DUOX2: variants seen among roughly 807,000 people sequenced by gnomAD.
DUOX2 encodes NADH/NADPH thyroid oxidase p138-tox.
A neutral mutation model predicts 183.3 loss-of-function variants in DUOX2; 185 were observed. That is an observed-to-expected ratio of 1.01 (90% CI 0.90 to 1.14). The LOEUF (loss-of-function observed/expected upper bound fraction) is 1.14, where lower values mean the gene tolerates loss of function less well. Ranked by LOEUF, DUOX2 falls within the 50% of genes most tolerant of loss-of-function variation. The probability of loss-of-function intolerance (pLI) is 0.00; values close to 1 mark genes in which losing one functional copy is unlikely to be tolerated. For synonymous variants in DUOX2, 788 were observed against 812.4 expected, an observed-to-expected ratio of 0.97 and a Z score of 0.51; for missense variants, 1,999 against 2,022.9, an observed-to-expected ratio of 0.99 and a Z score of 0.23.
chr15:45,095,133 G>A (rs1415458597), intron 31 of DUOX2, 42 bp from the exon 32 acceptor site: 1 of 1,598,122 alleles, frequency 6.3e-7, no homozygotes, highest in Admixed American at 1.7e-5. Flanking sequence ...GCTCAGTTCA[G>A]CCTCCCTAGA....
rs761557440 is a variant in DUOX2 at position 45,097,624 on chromosome 15, A to T, written c.3683T>A (p.Leu1228His). ...FWLTHHLYIL[L>H]YALLIIHGSY... ...AGGGAAGTCCCTCACCAGGGCATAG[A>T]GCAGGATGTAGAGGTGGTGGGTCAG... The change falls in exon 28 of 34, where the codon CTC (leucine) becomes CAC (histidine). Residue 1228 changes from leucine (L) to histidine (H), a missense_variant. Leu to His is a moderately conservative substitution (Grantham distance 99). Coordinates refer to ENST00000389039, the MANE Select transcript of DUOX2 (RefSeq NM_001363711.2). 2 of 1,614,206 alleles carry T rather than the reference A, an allele frequency of 1.2e-6. No individual in the cohort carries two copies. Among genetic ancestry groups the T allele is most frequent in the Non-Finnish European group, 1.7e-6 (2 of 1,180,040 alleles).
At chr15:45,106,460 C>A in intron 16 of DUOX2, 68 bp downstream of exon 16, 2 of 1,597,424 alleles carry the variant, frequency 1.3e-6, no homozygotes, top group Non-Finnish European at 1.7e-6. Context: ...TAACTTGGTT[C>A]TTTCTCCCAG....
intron 4 of DUOX2, 25 bp from the exon 5 acceptor site, chr15:45,111,980 T>G (rs1435904432): frequency 6.2e-7 from 1 of 1,611,504 alleles, no homozygotes; most frequent in South Asian, 1.1e-5. Flanking sequence ...CGCCAATACG[T>G]GACAAACCGT....
chr15:45,096,127 G>A (rs932393852), intron 29 of DUOX2, 67 bp from the exon 30 acceptor site: 3 of 1,365,556 alleles, frequency 2.2e-6, no homozygotes, highest in Non-Finnish European at 3.1e-6. Flanking sequence ...GGACTGATAG[G>A]CACCTGTCCT....
intron 12 of DUOX2, 33 bp downstream of exon 12, chr15:45,108,756 T>C (rs757798678): frequency 3.5e-5 from 57 of 1,611,610 alleles, no homozygotes; most frequent in Non-Finnish European, 4.6e-5. Flanking sequence ...TAGGAAAGCT[T>C]TAGCTGCCAT....
At position 45,099,732 on chromosome 15, in the gene DUOX2, G is replaced by T. The variant is rs755622327; in HGVS notation, c.3345C>A (p.Asn1115Lys). The T allele has an allele frequency of 9.9e-6, 16 of 1,614,208 alleles. No individual in the cohort carries two copies. The highest frequency in any genetic ancestry group is 1.4e-5 in the Non-Finnish European group (16 of 1,180,052). The change falls in exon 25 of 34, where the codon AAC becomes AAA. Residue 1115 changes from asparagine (N) to lysine (K), a missense_variant. Coordinates refer to ENST00000389039, the MANE Select transcript of DUOX2 (RefSeq NM_001363711.2). Reference sequence around the variant, plus strand: ...CTGCGGCATCAAAAGGCACATAGCGGTTGAGGAAAGTCTCTCGCAGGAAGG... The same window carrying T: ...CTGCGGCATCAAAAGGCACATAGCGTTTGAGGAAAGTCTCTCGCAGGAAGG... ...LITFLRETFL[N>K]RYVPFDAAVD...
intron 4 of DUOX2, 106 bp downstream of exon 4, chr15:45,112,448 T>G (rs1027432545): frequency 7.1e-7 from 1 of 1,416,542 alleles, no homozygotes; most frequent in African/African-American, 1.4e-5. Flanking sequence ...AGGAAGTGGT[T>G]GGGAGTCGGA....
intron 22 of DUOX2, 145 bp from the exon 23 acceptor site, chr15:45,100,983 A>G (rs754400644): frequency 5.8e-6 from 4 of 692,410 alleles, no homozygotes; most frequent in African/African-American, 3.6e-5. Context: ...GGATCTCATG[A>G]TTTGTTTTGT....
intron 21 of DUOX2, 36 bp downstream of exon 21, chr15:45,101,757 C>G (rs1036126364): frequency 1.2e-6 from 2 of 1,613,878 alleles, no homozygotes; most frequent in African/African-American, 2.7e-5. Flanking sequence ...GGACACGCCC[C>G]CCCTCCCTGA....
rs758000012 is a variant in DUOX2 at position 45,099,484 on chromosome 15, T to G, written c.3416-2A>C. 8.1e-6 allele frequency: 13 copies of G among 1,613,558 alleles called. No homozygotes were observed. The Admixed American group carries it at 2.0e-4, about 25-fold the overall frequency. Reference sequence around the variant, plus strand: ...CTGCGTGGCCAGCACTGTGCAAAACTGGAAGAGACAGACCCTGTTAGAGAT... The same window carrying G: ...CTGCGTGGCCAGCACTGTGCAAAACGGGAAGAGACAGACCCTGTTAGAGAT... On this transcript the variant is annotated splice_acceptor_variant, in intron 25 of 33. Coordinates refer to ENST00000389039, the MANE Select transcript of DUOX2 (RefSeq NM_001363711.2). LOFTEE classifies it high-confidence loss of function.
At position 45,111,601 on chromosome 15, in the gene DUOX2, C is replaced by T. The variant is rs1449533888; in HGVS notation, c.514-16G>A. On this transcript the variant is annotated splice_polypyrimidine_tract_variant and intron_variant, in intron 5 of 33. Transcript: ENST00000389039. ...CCTGGTTGGCCTGCGGGGCACGCGG[C>T]GGGTGAGCCCGGGTCGAGAGGCGGC... 3.3e-6 allele frequency: 5 copies of T among 1,517,826 alleles called. No homozygotes were observed. The highest frequency in any genetic ancestry group is 2.6e-5 in the East Asian group (1 of 37,986). 94.0% of individuals were successfully genotyped at this position (1,517,826 alleles called of 1,614,324 possible).
At position 45,112,988 on chromosome 15, in the gene DUOX2, A is replaced by G; in HGVS notation, c.159T>C (p.Val53=). 6.2e-7 allele frequency: 1 copy of G among 1,613,392 alleles called. No homozygotes were observed. Among genetic ancestry groups the G allele is most frequent in the Non-Finnish European group, 8.5e-7 (1 of 1,179,854 alleles). ...NNLRHHERGA[V]GCRLQRRVPA... is the part of the protein sequence containing the mutation. Reference sequence around the variant, plus strand: ...CACGCCCGGGCCCCCAGAACGCACCAACAGCACCACGCTCGTGGTGCCTCA... The same window carrying G: ...CACGCCCGGGCCCCCAGAACGCACCGACAGCACCACGCTCGTGGTGCCTCA... Residue 53 remains valine, a splice_region_variant and synonymous_variant, in exon 3 of 34, where the codon GTT becomes GTC. Coordinates refer to ENST00000389039, the MANE Select transcript of DUOX2 (RefSeq NM_001363711.2).
chr15:45,102,464 G>A (rs1404113568), intron 20 of DUOX2, among the ~76,000 whole-genome samples: 2 of 152,198 alleles, frequency 1.3e-5, no homozygotes, highest in African/African-American at 2.4e-5. Context: ...AGGCGGGAGC[G>A]TCTCCATGCC....
intron 5 of DUOX2, 89 bp downstream of exon 5, chr15:45,111,679 C>A: frequency 1.4e-6 from 2 of 1,442,176 alleles, no homozygotes; most frequent in Non-Finnish European, 1.8e-6. Flanking sequence ...GGGGAGTGGG[C>A]GCCTCTCCCC....
At position 45,093,787 on chromosome 15, in the gene DUOX2, T is replaced by A. The variant is rs1200579259; in HGVS notation, c.*363A>T. On this transcript the variant is annotated 3_prime_UTR_variant, in exon 34 of 34. Transcript: ENST00000389039. ...AAGCAGGGACTGTCTCCTCCCCACT[T>A]TGCTTGCCACGCCTGCCATGGCTTG... is the stretch of plus-strand genomic sequence containing the variant. The A allele has an allele frequency of 3.2e-6, 1 of 310,952 alleles. No homozygotes were observed. Among genetic ancestry groups the A allele is most frequent in the African/African-American group, 2.1e-5 (1 of 46,902 alleles). 19.3% of individuals were successfully genotyped at this position (310,952 alleles called of 1,614,324 possible).
Position 45,101,649 on chromosome 15 carries a change from G to A in DUOX2, c.2851+144C>T. On this transcript the variant is annotated intron_variant, in intron 21 of 33. Coordinates refer to ENST00000389039, the MANE Select transcript of DUOX2 (RefSeq NM_001363711.2). ...CATTAGGCAACTTGCACACCTACAT[G>A]TGCCATCCCAATTACATGTGCTTGG... 2.1e-5 allele frequency: 22 copies of A among 1,049,052 alleles called. No homozygotes were observed. The South Asian group carries it at 3.0e-4, about 14-fold the overall frequency. The allele number at this position is 1,049,052 out of a possible 1,614,324, so 65.0% of individuals were successfully genotyped here.
rs372159746 is a variant in DUOX2 at position 45,104,344 on chromosome 15, C to T, written c.2356G>A (p.Asp786Asn). Residue 786 changes from aspartate to asparagine, a missense_variant, in exon 19 of 34, where the codon GAC (aspartate) becomes AAC (asparagine). Physicochemically the swap from Asp to Asn is conservative, Grantham distance 23. Around this residue, in one of 3 missense-constraint regions of DUOX2, gnomAD observed 1,628 missense variants for 1,608.6 expected, o/e 1.01. Transcript: ENST00000389039. ...FAQVLDINQADAGTLPLDSSQ... is the reference protein window; with the variant it reads ...FAQVLDINQANAGTLPLDSSQ... Reference sequence around the variant, plus strand: ...GAGTCCAGGGGCAGGGTCCCTGCGTCGGCCTGGTTGATGTCCAGCACCTGC... The same window carrying T: ...GAGTCCAGGGGCAGGGTCCCTGCGTTGGCCTGGTTGATGTCCAGCACCTGC... 3.0e-5 allele frequency: 49 copies of T among 1,613,804 alleles called. 1 individual carries two copies. The highest frequency in any genetic ancestry group is 1.3e-4 in the South Asian group (12 of 90,998).
rs1894190647 is a variant in DUOX2, at chr15:45,105,644, T to C, written c.2333A>G (p.Gln778Arg). 1.2e-6 allele frequency: 2 copies of C among 1,614,188 alleles called. No individual in the cohort carries two copies. Among genetic ancestry groups the C allele is most frequent in the Non-Finnish European group, 1.7e-6 (2 of 1,180,022 alleles). The change falls in exon 18 of 34, where the codon CAG (glutamine) becomes CGG (arginine). Residue 778 changes from glutamine (Q) to arginine (R), a missense_variant and splice_region_variant. Around this residue, in one of 3 missense-constraint regions of DUOX2, gnomAD observed 1,628 missense variants for 1,608.6 expected, o/e 1.01. Transcript: ENST00000389039. ...TCCAAAAGGCACAGGTCATGGCACC[T>C]GAGCAAAAAGGTGTCTGAAGAAGAT... is the stretch of plus-strand genomic sequence containing the variant. Reference protein sequence around the residue: ...LEIFFRHLFAQVLDINQADAG... With the variant: ...LEIFFRHLFARVLDINQADAG...
intron 14 of DUOX2, 78 bp downstream of exon 14, chr15:45,107,267 C>G: frequency 1.3e-6 from 2 of 1,565,100 alleles, no homozygotes; most frequent in Non-Finnish European, 1.8e-6. Flanking sequence ...TGGACAGCAC[C>G]AAGTGATTCC....
Sources: gnomAD v4.1 joint callset for allele counts (sites outside exome capture counted in the v4.1 genomes callset) on GRCh38, gnomAD v4.1.1 for gene constraint, gnomAD v4.1.1 regional missense constraint, MANE v1.5 for transcripts, NCBI Gene and HGNC (gene_info 2026-07-23, HGNC 2026-07-21) for gene names.